LIMS4: variants seen among roughly 807,000 people sequenced by gnomAD.
LIMS4 encodes LIM and senescent cell antigen-like-containing domain protein 4.
the LIMS4 span, among the ~76,000 whole-genome samples, chr2:110,396,969 G>A: frequency 1.7e-3 from 1 of 590 alleles, no homozygotes; most frequent in Non-Finnish European, 4.7e-3. Flanking sequence ...TGGCTGTGGG[G>A]TCATTTGGAG....
downstream of LIMS4, among the ~76,000 whole-genome samples, chr2:110,442,679 G>A (rs1404621529): frequency 2.7e-5 from 4 of 150,852 alleles, no homozygotes; most frequent in Non-Finnish European, 4.4e-5. Context: ...ATATATATAT[G>A]TGTATATATA....
At chr2:110,371,869 A>G in the LIMS4 span, among the ~76,000 whole-genome samples, 3 of 148,304 alleles carry the variant, frequency 2.0e-5, no homozygotes, top group Non-Finnish European at 4.4e-5. Context: ...ACCAAAGCCC[A>G]GGCTGGCTAG....
the LIMS4 span, among the ~76,000 whole-genome samples, chr2:110,366,769 C>T: frequency 6.6e-6 from 1 of 151,962 alleles, no homozygotes; most frequent in Non-Finnish European, 1.5e-5. Context: ...TTGCAGATAA[C>T]ATGATTTTAT....
chr2:110,367,981 T>C, the LIMS4 span, among the ~76,000 whole-genome samples: 3 of 145,218 alleles, frequency 2.1e-5, no homozygotes, highest in Non-Finnish European at 4.4e-5. Flanking sequence ...AAATTTTTCC[T>C]CAATTTAGAA....
chr2:110,411,311 C>T, the LIMS4 span, among the ~76,000 whole-genome samples: 2 of 130,512 alleles, frequency 1.5e-5, 1 homozygote, highest in Non-Finnish European at 3.1e-5. Context: ...AATACAGTTC[C>T]CAGGACATGC....
chr2:110,365,795 CA>C, the LIMS4 span, among the ~76,000 whole-genome samples: 1 of 139,130 alleles, frequency 7.2e-6, no homozygotes, highest in Non-Finnish European at 1.5e-5. Context: ...AGACTAACAG[CA>C]GAAGAAAGAG....
chr2:110,369,001 A>G, the LIMS4 span, among the ~76,000 whole-genome samples: 1 of 105,814 alleles, frequency 9.5e-6, no homozygotes, highest in Non-Finnish European at 1.8e-5. Flanking sequence ...CACCAGGCCC[A>G]TTGTGCACAC....
chr2:110,424,755 G>C, the LIMS4 span, among the ~76,000 whole-genome samples: 2 of 144,164 alleles, frequency 1.4e-5, no homozygotes, highest in Non-Finnish European at 3.0e-5. Context: ...GTGGGGACTT[G>C]GGGAACTTTT....
chr2:110,368,364 A>G, the LIMS4 span, among the ~76,000 whole-genome samples: 1 of 152,212 alleles, frequency 6.6e-6, no homozygotes, highest in Admixed American at 6.5e-5. Context: ...AAGCAAACAT[A>G]TATACTCACA....
the LIMS4 span, among the ~76,000 whole-genome samples, chr2:110,389,890 G>A: frequency 6.8e-6 from 1 of 146,282 alleles, no homozygotes; most frequent in African/African-American, 2.7e-5. Context: ...GAAGGGGAGA[G>A]ATGCAAAGAG....
At chr2:110,389,974 GC>G in the LIMS4 span, among the ~76,000 whole-genome samples, 2 of 131,232 alleles carry the variant, frequency 1.5e-5, no homozygotes, top group Non-Finnish European at 3.1e-5. Flanking sequence ...TCAGGGGAAA[GC>G]AGGGCCTGGG....
At chr2:110,367,865 A>G in the LIMS4 span, among the ~76,000 whole-genome samples, 1 of 140,622 alleles carries the variant, frequency 7.1e-6, no homozygotes, top group Non-Finnish European at 1.5e-5. Context: ...CATAAGGGAC[A>G]GAATGAGACC....
the LIMS4 span, among the ~76,000 whole-genome samples, chr2:110,425,548 A>G: frequency 2.1e-5 from 3 of 140,064 alleles, 1 homozygote; most frequent in Non-Finnish European, 4.5e-5. Flanking sequence ...CAGGTTTCTA[A>G]TCAGTTGACT....
At chr2:110,373,515 CTG>C in the LIMS4 span, among the ~76,000 whole-genome samples, 1 of 138,634 alleles carries the variant, frequency 7.2e-6, no homozygotes, top group Non-Finnish European at 1.5e-5. Context: ...CAGCCCTGCA[CTG>C]TGTGCTCCAG....
the LIMS4 span, among the ~76,000 whole-genome samples, chr2:110,424,467 G>A: frequency 1.5e-5 from 2 of 137,042 alleles, no homozygotes; most frequent in Non-Finnish European, 3.1e-5. Context: ...AATAATAATG[G>A]TAAGTACTTG....
the LIMS4 span, among the ~76,000 whole-genome samples, chr2:110,389,902 C>T: frequency 3.4e-5 from 5 of 145,534 alleles, no homozygotes; most frequent in Non-Finnish European, 7.5e-5. Context: ...TGCAAAGAGG[C>T]CAGGCTGGGG....
chr2:110,372,837 G>A, the LIMS4 span, among the ~76,000 whole-genome samples: 3 of 146,200 alleles, frequency 2.1e-5, no homozygotes, highest in South Asian at 2.1e-4. Flanking sequence ...CGTTTCAGAG[G>A]CTGTGACAGT....
chr2:110,424,930 C>T, the LIMS4 span, among the ~76,000 whole-genome samples: 25 of 143,838 alleles, frequency 1.7e-4, 1 homozygote, highest in Middle Eastern at 0.017. Flanking sequence ...AGGACAGAAA[C>T]GGAACATGGG....
At chr2:110,391,733 GAGGC>G in the LIMS4 span, among the ~76,000 whole-genome samples, 2 of 76,338 alleles carry the variant, frequency 2.6e-5, no homozygotes, top group Admixed American at 1.3e-4. Flanking sequence ...AGCCATTAGT[GAGGC>G]TGCCTACTAC....
Sources: allele counts gnomAD v4.1 joint callset (sites outside exome capture counted in the v4.1 genomes callset), GRCh38; gene constraint gnomAD v4.1.1; transcripts MANE v1.5; gene names NCBI Gene and HGNC (gene_info 2026-07-23, HGNC 2026-07-21).